The following ENTR1 variants were observed in gnomAD, a reference collection of about 807,000 sequenced individuals.
The protein encoded by ENTR1 is endosome associated trafficking regulator 1.
ENTR1 carries 47 observed loss-of-function variants against 47.9 expected under a neutral mutation model. That is an observed-to-expected ratio of 0.98 (90% CI 0.78 to 1.25). The LOEUF (loss-of-function observed/expected upper bound fraction) is 1.25, where lower values mean the gene tolerates loss of function less well. ENTR1 is among the 50% of genes most tolerant of loss of function. The pLI is 0.00. For synonymous variants in ENTR1, 290 were observed against 245.8 expected (o/e 1.18, Z -1.68); for missense variants, 668 against 570.5 (o/e 1.17, Z -1.74).
chr9:136,410,575 A>T lies in ENTR1; in HGVS notation c.-178T>A. 8.5e-7 allele frequency: 1 copy of T among 1,182,856 alleles called. No homozygotes were observed. Among genetic ancestry groups the T allele is most frequent in the Non-Finnish European group, 1.1e-6 (1 of 936,722 alleles). 73.3% of individuals were successfully genotyped at this position (1,182,856 alleles called of 1,614,324 possible). A position where few individuals can be genotyped will look rare whatever the true frequency, so the allele number is the denominator to read the frequency against. ...CGCTGCTTCCGCTCCGAGCACCGAAAGCGCGTGCCTGAACGCCTTGGGCCG... is the reference window on the plus strand; with the variant it reads ...CGCTGCTTCCGCTCCGAGCACCGAATGCGCGTGCCTGAACGCCTTGGGCCG... On this transcript the variant is annotated 5_prime_UTR_variant, in exon 1 of 10. Transcript: ENST00000357365.
At chr9:136,408,452 C>T (rs1007053084) in intron 3 of ENTR1, among the ~76,000 whole-genome samples, 6 of 152,112 alleles carry the variant, frequency 3.9e-5, no homozygotes, top group Middle Eastern at 3.4e-3. Context: ...GTGGTGAGCG[C>T]CTGTAGTCCC....
Position 136,407,290 on chromosome 9 carries a change from T to G in ENTR1, c.674A>C (p.Glu225Ala). The stretch of plus-strand genomic sequence containing the variant: ...ACTCAACGCCCACGAGGGCAGAGAC[T>G]CAGGCCCTGCCAGCTCCGACGGGGT... ...FSTPSELAGP[E>A]SLPSWALSDT... The change falls in exon 5 of 10, where the codon GAG becomes GCG. Residue 225 changes from glutamate to alanine, a missense_variant. Glu to Ala is a moderately radical substitution (Grantham distance 107, BLOSUM62 -1). Coordinates refer to ENST00000357365, the MANE Select transcript of ENTR1 (RefSeq NM_001039707.2). 6.2e-7 allele frequency: 1 copy of G among 1,612,564 alleles called. No homozygotes were observed. The highest frequency in any genetic ancestry group is 1.1e-5 in the South Asian group (1 of 91,028).
intron 7 of ENTR1, 130 bp downstream of exon 7, chr9:136,404,961 A>G (rs1245078436): frequency 1.3e-6 from 1 of 762,476 alleles, no homozygotes; most frequent in East Asian, 2.6e-5. Context: ...ACGTCAAAGA[A>G]CACCAGTCCC....
Position 136,402,738 on chromosome 9 carries a change from G to T in ENTR1, c.*50C>A, listed in dbSNP as rs751432720. On this transcript the variant is annotated 3_prime_UTR_variant, in exon 10 of 10. Coordinates refer to ENST00000357365, the MANE Select transcript of ENTR1 (RefSeq NM_001039707.2). ...AACTGCACATTTAGATCGAGCGGTG[G>T]TGACCTCAGGGTATACACGGAGCTT... The T allele has an allele frequency of 6.5e-5, 81 of 1,246,308 alleles. No homozygotes were observed. Among genetic ancestry groups the T allele is most frequent in the Non-Finnish European group, 9.3e-5 (79 of 849,210 alleles). 77.2% of individuals were successfully genotyped at this position (1,246,308 alleles called of 1,614,324 possible). A position where few individuals can be genotyped will look rare whatever the true frequency, so the allele number is the denominator to read the frequency against.
chr9:136,410,130 G>A lies in ENTR1; in HGVS notation c.180C>T (p.Cys60=), dbSNP rs915797641. 3.7e-6 allele frequency: 6 copies of A among 1,612,708 alleles called. No homozygotes were observed. The highest frequency in any genetic ancestry group is 2.2e-5 in the East Asian group (1 of 44,856). The change falls in exon 2 of 10, where the codon TGC becomes TGT. Residue 60 remains cysteine (C), a synonymous_variant. Coordinates refer to ENST00000357365, the MANE Select transcript of ENTR1 (RefSeq NM_001039707.2). ...AAGCCAGCACCGGGCTGGGCACATA[G>A]CACATAAAGGCCGGCCGAATGCCGA... is the stretch of plus-strand genomic sequence containing the variant. ...PFFGIRPAFM[C]YVPSPVLASV...
chr9:136,402,966 G>A, intron 9 of ENTR1, 79 bp from the exon 10 acceptor site: 1 of 1,010,416 alleles, frequency 9.9e-7, no homozygotes, highest in Non-Finnish European at 1.5e-6. Flanking sequence ...GAAAGGGGAG[G>A]GGTTGGTAGG....
At position 136,405,139 on chromosome 9, in the gene ENTR1, G is replaced by A. The variant is rs1379243833; in HGVS notation, c.957C>T (p.Asp319=). Reference sequence around the variant, plus strand: ...CCACCTGCTGAACCACCGACTCCAGGTCGTGGTAGTCGCTTTCCTCCTTGA... The same window carrying A: ...CCACCTGCTGAACCACCGACTCCAGATCGTGGTAGTCGCTTTCCTCCTTGA... The part of the protein sequence containing the change: ...KMIKEESDYH[D]LESVVQQVEQ... The change falls in exon 7 of 10, where the codon GAC becomes GAT. Residue 319 remains aspartate, a synonymous_variant. Transcript: ENST00000357365. 3.7e-6 allele frequency: 6 copies of A among 1,613,852 alleles called. No individual in the cohort carries two copies. Among genetic ancestry groups the A allele is most frequent in the Non-Finnish European group, 5.1e-6 (6 of 1,179,904 alleles).
chr9:136,408,043 G>A lies in ENTR1; in HGVS notation c.290-105C>T, dbSNP rs1402925661. On this transcript the variant is annotated intron_variant, in intron 3 of 9. Transcript: ENST00000357365. ...AGAGCATGGCCACATGTGAGATCGG[G>A]CAGCCACGCTTGTCATTCTACCATG... is the stretch of plus-strand genomic sequence containing the variant. 11 of 714,324 alleles carry A rather than the reference G, an allele frequency of 1.5e-5. No individual in the cohort carries two copies. The East Asian group carries it at 2.4e-4, about 15-fold the overall frequency. 44.2% of individuals were successfully genotyped at this position (714,324 alleles called of 1,614,324 possible). A position where few individuals can be genotyped will look rare whatever the true frequency, so the allele number is the denominator to read the frequency against.
chr9:136,403,670 T>C (rs1030762040), intron 9 of ENTR1, among the ~76,000 whole-genome samples: 1 of 152,066 alleles, frequency 6.6e-6, no homozygotes, highest in East Asian at 1.9e-4. Flanking sequence ...GTCACAGTCA[T>C]GGTGGCTGGC....
intron 3 of ENTR1, among the ~76,000 whole-genome samples, chr9:136,408,307 T>C (rs368807195): frequency 3.2e-4 from 43 of 135,010 alleles, no homozygotes; most frequent in Non-Finnish European, 4.2e-4. Flanking sequence ...TGGCCAGGTG[T>C]GGTGGCTCAC....
rs769189231 is a variant in ENTR1, at chr9:136,405,085, C to T, written c.1005+6G>A. The T allele has an allele frequency of 1.9e-6, 3 of 1,609,936 alleles. No homozygotes were observed. The African/African-American group carries it at 4.0e-5, about 22-fold the overall frequency. Reference sequence around the variant, plus strand: ...AGCTCGTCCGATTCAGAGAAGAAACCCATACGGTCATCAGCTCCAGGTTCT... The same window carrying T: ...AGCTCGTCCGATTCAGAGAAGAAACTCATACGGTCATCAGCTCCAGGTTCT... On this transcript the variant is annotated splice_donor_region_variant and intron_variant, in intron 7 of 9. Coordinates refer to ENST00000357365, the MANE Select transcript of ENTR1 (RefSeq NM_001039707.2).
chr9:136,406,012 G>C, intron 5 of ENTR1, 34 bp from the exon 6 acceptor site: 1 of 1,532,930 alleles, frequency 6.5e-7, no homozygotes, highest in Non-Finnish European at 8.9e-7. Context: ...TAGAAAGTCA[G>C]CATGTCTGGC....
chr9:136,407,387 T>A lies in ENTR1; in HGVS notation c.577A>T (p.Ile193Phe), dbSNP rs777298085. ...ACCCTCTCGGGGTGAGTCTGCTCGA[T>A]GGCGGACGGCAGGTAGGCCCCACTC... ...GWSGAYLPSA[I>F]EQTHPERVPA... Residue 193 changes from isoleucine to phenylalanine, a missense_variant, in exon 5 of 10, where the codon ATC becomes TTC. Ile to Phe is a conservative substitution (Grantham distance 21, BLOSUM62 0). Transcript: ENST00000357365. 1 of 1,607,110 alleles carries A rather than the reference T, an allele frequency of 6.2e-7. No homozygotes were observed. The highest frequency in any genetic ancestry group is 1.7e-5 in the Admixed American group (1 of 59,198).
chr9:136,409,822 C>A, intron 2 of ENTR1: 1 of 598,416 alleles, frequency 1.7e-6, no homozygotes, highest in Non-Finnish European at 3.2e-6. Context: ...GGCACCCCGA[C>A]TCCAGCCCCA....
rs1293558119 is a variant in ENTR1, at chr9:136,404,189, C to G, written c.1074G>C (p.Gln358His). The G allele has an allele frequency of 1.9e-6, 3 of 1,607,308 alleles. No homozygotes were observed. The highest frequency in any genetic ancestry group is 4.5e-5 in the East Asian group (2 of 44,772). The change falls in exon 9 of 10, where the codon CAG becomes CAC. Residue 358 changes from glutamine (Q) to histidine (H), a missense_variant. Gln to His is a conservative substitution (Grantham distance 24). Transcript: ENST00000357365. ...CATTCTCTCGCTGGAAGTTGGAGAC[C>G]TGCGCCTGGGGGGACGGTTACGGCT... ...LKQEISLLQA[Q>H]VSNFQRENEA...
At position 136,410,536 on chromosome 9, in the gene ENTR1, T is replaced by G. The variant is rs1406279364; in HGVS notation, c.-139A>C. 1.1e-4 allele frequency: 118 copies of G among 1,083,152 alleles called. No individual in the cohort carries two copies. The highest frequency in any genetic ancestry group is 1.4e-4 in the Admixed American group (3 of 22,110). The allele number at this position is 1,083,152 out of a possible 1,614,324, so 67.1% of individuals were successfully genotyped here. A position where few individuals can be genotyped will look rare whatever the true frequency, so the allele number is the denominator to read the frequency against. On this transcript the variant is annotated 5_prime_UTR_variant, in exon 1 of 10. Transcript: ENST00000357365. ...CCCGCCGCTCGGCCGCCCCCGCGCC[T>G]CCGAGCCTCTCGCCGCTGCTTCCGC...
chr9:136,407,645 CAAG>C (rs1834846131), intron 4 of ENTR1, 84 bp from the exon 5 acceptor site: 1 of 1,476,806 alleles, frequency 6.8e-7, no homozygotes, highest in Non-Finnish European at 9.0e-7. Context: ...TGCCTCGCAA[CAAG>C]AAGAAAGGCC....
intron 9 of ENTR1, among the ~76,000 whole-genome samples, chr9:136,403,104 T>C (rs544183205): frequency 2.6e-5 from 2 of 78,306 alleles, no homozygotes; most frequent in East Asian, 8.1e-4. Flanking sequence ...AGGGGAGGGG[T>C]TGGTAGGCAG....
intron 7 of ENTR1, 129 bp downstream of exon 7, chr9:136,404,962 C>T: frequency 1.3e-6 from 1 of 766,406 alleles, no homozygotes; most frequent in Non-Finnish European, 2.2e-6. Flanking sequence ...CGTCAAAGAA[C>T]ACCAGTCCCA....
Sources: allele counts gnomAD v4.1 joint callset (sites outside exome capture counted in the v4.1 genomes callset), GRCh38; gene constraint gnomAD v4.1.1; transcripts MANE v1.5; gene names NCBI Gene and HGNC (gene_info 2026-07-23, HGNC 2026-07-21).